Variants in IL22RA2 observed in about 807,000 individuals in gnomAD.
IL22RA2 encodes the protein interleukin-22 receptor subunit alpha-2.
Under a neutral mutation model 30.7 loss-of-function variants are expected in IL22RA2, and 39 were observed. That is an observed-to-expected ratio of 1.27 (90% confidence interval 0.98 to 1.66). The LOEUF is 1.66. Among genes scored for constraint, IL22RA2 ranks in the 40% most tolerant of loss-of-function variants. The pLI, the probability that IL22RA2 is intolerant of heterozygous loss-of-function variation, is 0.00. For synonymous variants in IL22RA2, 103 were observed against 105.0 expected (o/e 0.98, Z 0.11); for missense variants, 315 against 312.7 (o/e 1.01, Z -0.05).
chr6:137,151,655 G>A (rs1332077097), intron 5 of IL22RA2, among the ~76,000 whole-genome samples: 5 of 152,176 alleles, frequency 3.3e-5, no homozygotes, highest in African/African-American at 4.8e-5. Flanking sequence ...TCATATATCT[G>A]ATAAGGCATT....
intron 5 of IL22RA2, among the ~76,000 whole-genome samples, chr6:137,148,947 C>T (rs1296616764): frequency 6.6e-6 from 1 of 152,140 alleles, no homozygotes; most frequent in South Asian, 2.1e-4. Context: ...AGTTTCTTGA[C>T]CCATTCACTG....
chr6:137,160,608 C>T (rs370668457), intron 2 of IL22RA2, among the ~76,000 whole-genome samples: 18 of 152,254 alleles, frequency 1.2e-4, no homozygotes, highest in African/African-American at 2.6e-4. Flanking sequence ...TCCTTCTGGC[C>T]GGCATTCATC....
chr6:137,159,132 A>AT, intron 2 of IL22RA2, among the ~76,000 whole-genome samples: 1 of 152,188 alleles, frequency 6.6e-6, no homozygotes, highest in Non-Finnish European at 1.5e-5. Context: ...TCTGAGACTA[A>AT]TCATGGCATG....
At chr6:137,152,762 A>G (rs1188906663) in intron 5 of IL22RA2, among the ~76,000 whole-genome samples, 1 of 152,206 alleles carries the variant, frequency 6.6e-6, no homozygotes, top group Non-Finnish European at 1.5e-5. Context: ...TGCAGTGACC[A>G]TCTATTTCCC....
At chr6:137,158,295 C>G in intron 3 of IL22RA2, 52 bp downstream of exon 3, 1 of 1,603,840 alleles carries the variant, frequency 6.2e-7, no homozygotes, top group African/African-American at 1.3e-5. Flanking sequence ...CATTCTAGAA[C>G]ATGTTATCCC....
At chr6:137,169,002 T>A (rs564108374) in intron 1 of IL22RA2, among the ~76,000 whole-genome samples, 2 of 152,244 alleles carry the variant, frequency 1.3e-5, no homozygotes, top group Non-Finnish European at 2.9e-5. Context: ...TACTTCCTGT[T>A]ATGTATGTGG....
chr6:137,147,700 A>G (rs1778208594), intron 6 of IL22RA2, 22 bp downstream of exon 6: 2 of 1,477,776 alleles, frequency 1.4e-6, no homozygotes, highest in Non-Finnish European at 1.8e-6. Flanking sequence ...AACTCTAAAT[A>G]TATCTATTCA....
intron 5 of IL22RA2, among the ~76,000 whole-genome samples, chr6:137,154,025 T>C (rs1582879383): frequency 6.6e-6 from 1 of 152,192 alleles, no homozygotes; most frequent in South Asian, 2.1e-4. Flanking sequence ...TTTATATCTA[T>C]ACATTAAACC....
intron 5 of IL22RA2, among the ~76,000 whole-genome samples, chr6:137,150,323 G>T (rs552760315): frequency 6.6e-6 from 1 of 152,222 alleles, no homozygotes; most frequent in African/African-American, 2.4e-5. Context: ...AAGCCTGGGG[G>T]TGAGGAGGCA....
intron 1 of IL22RA2, among the ~76,000 whole-genome samples, chr6:137,167,339 C>T (rs1582611388): frequency 6.6e-6 from 1 of 152,180 alleles, no homozygotes; most frequent in Admixed American, 6.5e-5. Flanking sequence ...GTCAGGTGCA[C>T]CCCTACTAAA....
chr6:137,156,878 C>G (rs967441734), intron 3 of IL22RA2, 24 bp from the exon 4 acceptor site: 1 of 1,599,016 alleles, frequency 6.3e-7, no homozygotes, highest in South Asian at 1.1e-5. Flanking sequence ...ATGGGGAAAA[C>G]AGATCGTGTG....
Position 137,155,051 on chromosome 6 carries a change from G to A in IL22RA2, c.362C>T (p.Thr121Ile). The A allele has an allele frequency of 6.2e-7, 1 of 1,613,848 alleles. No individual in the cohort carries two copies. The highest frequency in any genetic ancestry group is 1.6e-4 in the Middle Eastern group (1 of 6,062). The change falls in exon 5 of 7, where the codon ACC becomes ATC. Residue 121 changes from threonine to isoleucine, a missense_variant. Transcript: ENST00000296980. ...TTCCTGTATGTCTGAGGTTTCACTG[G>A]TAAGGTCACAAGAGAGTTCTTGAGT... ...WGTQELSCDL[T>I]SETSDIQEPY... is the part of the protein sequence containing the mutation.
At chr6:137,157,415 G>A (rs952895034) in intron 3 of IL22RA2, among the ~76,000 whole-genome samples, 4 of 151,968 alleles carry the variant, frequency 2.6e-5, no homozygotes, top group Middle Eastern at 3.2e-3. Flanking sequence ...TTTTACAATC[G>A]CTACATAAAA....
chr6:137,172,069 T>C (rs1357230562), intron 1 of IL22RA2, among the ~76,000 whole-genome samples: 1 of 152,240 alleles, frequency 6.6e-6, no homozygotes, highest in Non-Finnish European at 1.5e-5. Context: ...CACTTCACAT[T>C]TACTTTGGTA....
In IL22RA2 at chr6:137,154,951, G is replaced by A; in HGVS notation, c.462C>T (p.Pro154=). 6.2e-7 allele frequency: 1 copy of A among 1,614,070 alleles called. No homozygotes were observed. The change falls in exon 5 of 7, where the codon CCC becomes CCT. Residue 154 remains proline (P), a synonymous_variant. Coordinates refer to ENST00000296980, the MANE Select transcript of IL22RA2 (RefSeq NM_052962.3). The part of the protein sequence containing the change: ...SEWSMTPRFT[P]WWETKIDPPV... ...CTCCATGGAACTCACTTTCCCACCA[G>A]GGAGTGAACCGCGGCGTCATGCTCC...
intron 3 of IL22RA2, 83 bp from the exon 4 acceptor site, chr6:137,156,937 T>TA: frequency 6.5e-7 from 1 of 1,545,908 alleles, no homozygotes; most frequent in Non-Finnish European, 8.9e-7. Context: ...ACCACTCTCA[T>TA]AGAAACATTT....
chr6:137,149,606 A>G (rs545082700), intron 5 of IL22RA2, among the ~76,000 whole-genome samples: 1 of 152,306 alleles, frequency 6.6e-6, no homozygotes, highest in African/African-American at 2.4e-5. Flanking sequence ...CCTGTAGACT[A>G]TTATTAGTAA....
In IL22RA2 at chr6:137,154,620, A is replaced by C. The variant is rs7753749; in HGVS notation, c.472+321T>G. Among the ~76,000 whole-genome samples, 45 of 148,508 alleles carry C rather than the reference A, an allele frequency of 3.0e-4. No individual in the cohort carries two copies. In the South Asian group the frequency reaches 8.3e-3, roughly 27 times the overall value. On this transcript the variant is annotated intron_variant, in intron 5 of 6. Coordinates refer to ENST00000296980, the MANE Select transcript of IL22RA2 (RefSeq NM_052962.3). ...ACAAAGCGAGACCCTGTCACACACA[A>C]ACACACACACACACACACACACACA...
chr6:137,145,718 G>T lies in IL22RA2; in HGVS notation c.698C>A (p.Pro233Gln). 6.2e-7 allele frequency: 1 copy of T among 1,613,594 alleles called. No individual in the cohort carries two copies. Among genetic ancestry groups the T allele is most frequent in the Non-Finnish European group, 8.5e-7 (1 of 1,179,660 alleles). The change falls in exon 7 of 7, where the codon CCA becomes CAA. Residue 233 changes from proline (P) to glutamine (Q), a missense_variant. Physicochemically the swap from Pro to Gln is moderately conservative, Grantham distance 76 (BLOSUM62 -1). Coordinates refer to ENST00000296980, the MANE Select transcript of IL22RA2 (RefSeq NM_052962.3). ...HRAVEIEALT[P>Q]HSSYCVVAEI... ...AGCCACTACACAGTAGCTGGAGTGT[G>T]GTGTTAGAGCTTCAATTTCAACCGC...
Sources: allele counts gnomAD v4.1 joint callset (sites outside exome capture counted in the v4.1 genomes callset), GRCh38; gene constraint gnomAD v4.1.1; transcripts MANE v1.5; gene names NCBI Gene and HGNC (gene_info 2026-07-23, HGNC 2026-07-21).